The following SEMA6D variants were observed in gnomAD, a reference collection of about 807,000 sequenced individuals.
The protein encoded by SEMA6D is semaphorin 6D.
SEMA6D carries 35 observed loss-of-function variants against 106.6 expected under a neutral mutation model. That is an observed-to-expected ratio of 0.33 (90% CI 0.25 to 0.44). The LOEUF is 0.44. Among genes scored for constraint, SEMA6D ranks in the 20% least tolerant of loss-of-function variants. SEMA6D has a pLI of 1.00. For missense variants in SEMA6D, 1,185 were observed against 1,345.9 expected (o/e 0.88, Z 1.87); for synonymous variants, 499 against 487.7 (o/e 1.02, Z -0.31).
At chr15:47,552,193 G>T (rs918463830) in intron 3 of SEMA6D, among the ~76,000 whole-genome samples, 87 of 152,198 alleles carry the variant, frequency 5.7e-4, no homozygotes, top group African/African-American at 2.1e-3. Flanking sequence ...TAAACTGGTG[G>T]TTCTGAAGTC....
chr15:47,680,108 GTGC>G (rs1174851489), intron 4 of SEMA6D, among the ~76,000 whole-genome samples: 1 of 152,120 alleles, frequency 6.6e-6, no homozygotes, highest in East Asian at 1.9e-4. Flanking sequence ...ATAGGCCCCT[GTGC>G]TGTCCAGGGT....
intron 1 of SEMA6D, among the ~76,000 whole-genome samples, chr15:47,747,393 T>C (rs543322341): frequency 6.6e-6 from 1 of 152,284 alleles, no homozygotes; most frequent in East Asian, 1.9e-4. Flanking sequence ...TCTTTTTAAT[T>C]TCAGTTCCTT....
intron 1 of SEMA6D, among the ~76,000 whole-genome samples, chr15:47,739,090 C>T (rs1230312344): frequency 6.6e-6 from 1 of 152,182 alleles, no homozygotes; most frequent in South Asian, 2.1e-4. Context: ...GGGCTCCAAA[C>T]TGGCACAGCA....
At chr15:47,427,238 G>A (rs1480829375) in intron 2 of SEMA6D, among the ~76,000 whole-genome samples, 1 of 152,130 alleles carries the variant, frequency 6.6e-6, no homozygotes, top group Admixed American at 6.6e-5. Flanking sequence ...GACACAAACT[G>A]CAGAAGGTGT....
At chr15:47,551,518 TAAAAG>T (rs1443463050) in intron 3 of SEMA6D, among the ~76,000 whole-genome samples, 1 of 152,114 alleles carries the variant, frequency 6.6e-6, no homozygotes, top group African/African-American at 2.4e-5. Flanking sequence ...GTGAGCTAGT[TAAAAG>T]AAGAGGGGAG....
intron 1 of SEMA6D, among the ~76,000 whole-genome samples, chr15:47,285,792 A>G (rs2035335103): frequency 6.6e-6 from 1 of 152,204 alleles, no homozygotes; most frequent in Non-Finnish European, 1.5e-5. Flanking sequence ...AAATCATTGC[A>G]CAGGTTCCCA....
Position 47,762,433 on chromosome 15 carries a change from A to G in SEMA6D, c.658+114A>G, listed in dbSNP as rs1172463123. Reference sequence around the variant, plus strand: ...CATGACTTTATATTGTTTATTTAGAACAAGTACACACTGCTTTGATTGTGA... The same window carrying G: ...CATGACTTTATATTGTTTATTTAGAGCAAGTACACACTGCTTTGATTGTGA... On this transcript the variant is annotated intron_variant, in intron 8 of 18. Coordinates refer to ENST00000536845, the MANE Select transcript of SEMA6D (RefSeq NM_001358351.3). The G allele has an allele frequency of 5.2e-6, 6 of 1,147,334 alleles. No individual in the cohort carries two copies. The East Asian group carries it at 1.5e-4, about 28-fold the overall frequency. The allele number at this position is 1,147,334 out of a possible 1,614,324, so 71.1% of individuals were successfully genotyped here.
At chr15:47,249,340 T>A (rs1204558177) in intron 1 of SEMA6D, among the ~76,000 whole-genome samples, 1 of 152,220 alleles carries the variant, frequency 6.6e-6, no homozygotes, top group Non-Finnish European at 1.5e-5. Context: ...ATAGTTCATT[T>A]GCACTCTTAT....
intron 1 of SEMA6D, among the ~76,000 whole-genome samples, chr15:47,231,395 T>G (rs933821940): frequency 1.3e-5 from 2 of 151,988 alleles, no homozygotes; most frequent in Non-Finnish European, 2.9e-5. Flanking sequence ...TCCTCTTTCT[T>G]AATCTTTCAG....
intron 11 of SEMA6D, 148 bp downstream of exon 11, chr15:47,764,453 C>A: frequency 7.9e-7 from 1 of 1,262,534 alleles, no homozygotes; most frequent in Non-Finnish European, 1.1e-6. Context: ...GCCTTGTGAC[C>A]TGCAAGCCCA....
At chr15:47,362,570 T>C (rs1033699469) in intron 1 of SEMA6D, among the ~76,000 whole-genome samples, 1 of 152,152 alleles carries the variant, frequency 6.6e-6, no homozygotes, top group Non-Finnish European at 1.5e-5. Flanking sequence ...TTATGTGAGC[T>C]TGCCAGCCCC....
chr15:47,744,746 CAG>C (rs924986469), intron 1 of SEMA6D, among the ~76,000 whole-genome samples: 1 of 152,320 alleles, frequency 6.6e-6, no homozygotes, highest in South Asian at 2.1e-4. Context: ...TCTCCTGTCT[CAG>C]GGTACAGAGG....
In SEMA6D at chr15:47,234,385, T is replaced by G. The variant is rs181016613; in HGVS notation, c.-239+49967T>G. Among the ~76,000 whole-genome samples, 108 of 152,174 alleles carry G rather than the reference T, an allele frequency of 7.1e-4. No homozygotes were observed. The Middle Eastern group carries it at 0.02, about 29-fold the overall frequency. On this transcript the variant is annotated intron_variant, in intron 1 of 19. Transcript: ENST00000558014. Reference sequence around the variant, plus strand: ...GTAGCTTTTGGGATACAAATGGTTTTTGGTTACATGGATGAACTGTATAGT... The same window carrying G: ...GTAGCTTTTGGGATACAAATGGTTTGTGGTTACATGGATGAACTGTATAGT...
At chr15:47,768,526 A>G in intron 17 of SEMA6D, 55 bp from the exon 18 acceptor site, 2 of 1,405,198 alleles carry the variant, frequency 1.4e-6, no homozygotes, top group South Asian at 3.3e-5. Flanking sequence ...CAACAGACCA[A>G]TCAAAAAAAA....
intron 4 of SEMA6D, among the ~76,000 whole-genome samples, chr15:47,641,404 C>CCTCT (rs1045348482): frequency 6.6e-6 from 1 of 151,934 alleles, no homozygotes; most frequent in African/African-American, 2.4e-5. Flanking sequence ...TTTCAGTCTC[C>CCTCT]CTCTCTCTCT....
intron 4 of SEMA6D, among the ~76,000 whole-genome samples, chr15:47,660,350 A>G (rs2077892457): frequency 6.6e-6 from 1 of 152,150 alleles, no homozygotes; most frequent in Non-Finnish European, 1.5e-5. Flanking sequence ...TAAATTACAG[A>G]CCTCGACACA....
intron 3 of SEMA6D, among the ~76,000 whole-genome samples, chr15:47,495,778 TA>T (rs1224589283): frequency 1.3e-5 from 2 of 152,074 alleles, no homozygotes; most frequent in African/African-American, 4.8e-5. Flanking sequence ...AGTACAGAAA[TA>T]ATGACACATT....
rs1232623340 is a variant in SEMA6D, at chr15:47,763,943, C to T, written c.841C>T (p.Arg281Trp). The T allele has an allele frequency of 5.0e-6, 8 of 1,613,936 alleles. No individual in the cohort carries two copies. Among genetic ancestry groups the T allele is most frequent in the East Asian group, 4.5e-5 (2 of 44,864 alleles). The change falls in exon 10 of 19, where the codon CGG (arginine) becomes TGG (tryptophan). Residue 281 changes from arginine (R) to tryptophan (W), a missense_variant. This residue lies in a region of SEMA6D where 291 missense variants were observed against 423.8 expected (regional missense o/e 0.69). Transcript: ENST00000536845. Reference protein sequence around the residue: ...EKHWTSFLKARLNCSVPGDSF... With the variant: ...EKHWTSFLKAWLNCSVPGDSF... Reference sequence around the variant, plus strand: ...ACACTGGACTTCATTTCTAAAGGCTCGGCTGAACTGTTCTGTCCCTGGAGA... The same window carrying T: ...ACACTGGACTTCATTTCTAAAGGCTTGGCTGAACTGTTCTGTCCCTGGAGA...
chr15:47,580,008 G>A (rs758840393), intron 3 of SEMA6D, among the ~76,000 whole-genome samples: 19 of 152,118 alleles, frequency 1.2e-4, no homozygotes, highest in East Asian at 1.9e-4. Flanking sequence ...GACCTTTTAC[G>A]TAGTAGTGCT....
Sources: allele counts gnomAD v4.1 joint callset (sites outside exome capture counted in the v4.1 genomes callset), GRCh38; gene constraint gnomAD v4.1.1; regional missense constraint gnomAD v4.1.1; transcripts MANE v1.5; gene names NCBI Gene and HGNC (gene_info 2026-07-23, HGNC 2026-07-21).